The following ABCC4 variants were observed in gnomAD, a reference collection of about 807,000 sequenced individuals.
ABCC4 encodes the protein ATP binding cassette subfamily C member 4 (PEL blood group).
A neutral mutation model predicts 168.5 loss-of-function variants in ABCC4; 102 were observed. The observed-to-expected ratio is 0.61, with a 90% CI of 0.52 to 0.71. ABCC4 has a LOEUF of 0.71. Among genes scored for constraint, ABCC4 ranks in the 30% least tolerant of loss-of-function variants. The pLI is 0.00. For synonymous variants in ABCC4, 617 were observed against 590.7 expected (o/e 1.04, Z -0.65); for missense variants, 1,402 against 1,605.8 (o/e 0.87, Z 2.17).
chr13:95,195,061 C>T (rs1350012940), intron 8 of ABCC4, 124 bp from the exon 9 acceptor site: 1 of 718,086 alleles, frequency 1.4e-6, no homozygotes, highest in African/African-American at 1.8e-5. Flanking sequence ...TTTTACCAAC[C>T]CTATTTAAAG....
intron 27 of ABCC4, among the ~76,000 whole-genome samples, chr13:95,045,109 C>A (rs1177543728): frequency 1.3e-5 from 2 of 152,212 alleles, no homozygotes; most frequent in Middle Eastern, 6.3e-3. Flanking sequence ...TGACAGCCAA[C>A]AAGAACCCCT....
At chr13:95,298,692 G>A (rs1239695663) in intron 1 of ABCC4, among the ~76,000 whole-genome samples, 7 of 152,230 alleles carry the variant, frequency 4.6e-5, no homozygotes, top group East Asian at 1.9e-4. Context: ...ATGCATTTCC[G>A]ACAGCACCTG....
At chr13:95,059,132 C>T (rs556610611) in intron 26 of ABCC4, among the ~76,000 whole-genome samples, 4 of 152,318 alleles carry the variant, frequency 2.6e-5, no homozygotes, top group South Asian at 2.1e-4. Flanking sequence ...TCGGGGACTG[C>T]GCCAGCCAAC....
intron 19 of ABCC4, among the ~76,000 whole-genome samples, chr13:95,133,108 CTTTT>C (rs761691210): frequency 9.9e-5 from 11 of 110,668 alleles, no homozygotes; most frequent in Admixed American, 6.2e-4. Context: ...GATTTTAAAA[CTTTT>C]TTTTTTTTTT....
intron 4 of ABCC4, among the ~76,000 whole-genome samples, chr13:95,232,700 G>A (rs1030500382): frequency 4.6e-5 from 7 of 151,548 alleles, no homozygotes; most frequent in African/African-American, 1.7e-4. Flanking sequence ...AATTTAAATG[G>A]CTTAAAAAAA....
At chr13:95,192,492 G>C (rs1438937448) in intron 9 of ABCC4, among the ~76,000 whole-genome samples, 1 of 151,970 alleles carries the variant, frequency 6.6e-6, no homozygotes, top group East Asian at 1.9e-4. Flanking sequence ...GCAGGGTTTG[G>C]TACAAAAGAA....
chr13:95,188,376 T>C, intron 10 of ABCC4, 77 bp downstream of exon 10: 1 of 1,313,870 alleles, frequency 7.6e-7, no homozygotes, highest in Non-Finnish European at 1.1e-6. Flanking sequence ...GTGTTACACG[T>C]AGCCTTGGGC....
At chr13:95,135,752 C>T (rs969925632) in intron 19 of ABCC4, among the ~76,000 whole-genome samples, 1 of 152,146 alleles carries the variant, frequency 6.6e-6, no homozygotes, top group African/African-American at 2.4e-5. Context: ...ACATTCTAAA[C>T]ACCCATATTA....
intron 3 of ABCC4, among the ~76,000 whole-genome samples, chr13:95,235,541 G>A (rs2138761700): frequency 6.6e-6 from 1 of 152,294 alleles, no homozygotes; most frequent in African/African-American, 2.4e-5. Flanking sequence ...CAGCCCACAG[G>A]CTCGTCTATG....
intron 25 of ABCC4, among the ~76,000 whole-genome samples, chr13:95,066,921 TAAG>T (rs2033568496): frequency 1.3e-5 from 2 of 152,290 alleles, no homozygotes; most frequent in South Asian, 2.1e-4. Context: ...TGCGTGAGTA[TAAG>T]AAGGTGGCTA....
intron 27 of ABCC4, among the ~76,000 whole-genome samples, chr13:95,052,139 C>T (rs1393181541): frequency 6.6e-6 from 1 of 152,096 alleles, no homozygotes; most frequent in Non-Finnish European, 1.5e-5. Flanking sequence ...CACCACCATA[C>T]CCAGCTAATC....
At chr13:95,071,887 A>G in intron 24 of ABCC4, 34 bp from the exon 25 acceptor site, 1 of 1,394,614 alleles carries the variant, frequency 7.2e-7, no homozygotes, top group Non-Finnish European at 9.5e-7. Context: ...GGGGTTAGGA[A>G]TGGAGGGTGT....
At chr13:95,128,702 C>T (rs975935801) in intron 19 of ABCC4, among the ~76,000 whole-genome samples, 5 of 152,176 alleles carry the variant, frequency 3.3e-5, no homozygotes, top group African/African-American at 1.2e-4. Context: ...ATTAACCACC[C>T]TAAAAACCCA....
rs2031035883 is a variant in ABCC4, at chr13:95,020,654, A to T, written c.*921T>A. The T allele has an allele frequency of 6.6e-6, 1 of 152,252 alleles. No homozygotes were observed. The highest frequency in any genetic ancestry group is 1.5e-5 in the Non-Finnish European group (1 of 68,048). 9.4% of individuals were successfully genotyped at this position (152,252 alleles called of 1,614,324 possible). A position where few individuals can be genotyped will look rare whatever the true frequency, so the allele number is the denominator to read the frequency against. On this transcript the variant is annotated 3_prime_UTR_variant, in exon 31 of 31. Transcript: ENST00000645237. ...CACGTTAGCAGAGCCTATTCATGCA[A>T]TTTAGAAAGGATTTCAATACAGCCC...
chr13:95,027,620 G>T (rs1029329013), intron 30 of ABCC4, among the ~76,000 whole-genome samples: 1 of 152,130 alleles, frequency 6.6e-6, no homozygotes, highest in East Asian at 1.9e-4. Context: ...GCAAATAGAA[G>T]AAAAACTAAG....
intron 1 of ABCC4, among the ~76,000 whole-genome samples, chr13:95,263,154 A>C (rs1177846685): frequency 1.3e-5 from 2 of 152,216 alleles, no homozygotes; most frequent in Non-Finnish European, 2.9e-5. Context: ...AGCTTCCTTC[A>C]GGCATGAACT....
chr13:95,216,632 ACC>A (rs1566537085), intron 4 of ABCC4, among the ~76,000 whole-genome samples: 3 of 140,948 alleles, frequency 2.1e-5, no homozygotes, highest in Admixed American at 7.1e-5. Flanking sequence ...AAAAAAAAAA[ACC>A]AGCACAAATG....
chr13:95,289,796 C>T (rs181214777), intron 1 of ABCC4, among the ~76,000 whole-genome samples: 1 of 152,106 alleles, frequency 6.6e-6, no homozygotes, highest in East Asian at 1.9e-4. Context: ...ACGTAGAGAA[C>T]CTTTTTAAAA....
intron 1 of ABCC4, among the ~76,000 whole-genome samples, chr13:95,293,987 A>T (rs941108314): frequency 1.3e-5 from 2 of 151,920 alleles, no homozygotes; most frequent in Admixed American, 1.3e-4. Context: ...CCATTACAAT[A>T]AAGTACCATT....
Sources: allele counts gnomAD v4.1 joint callset (sites outside exome capture counted in the v4.1 genomes callset), GRCh38; gene constraint gnomAD v4.1.1; transcripts MANE v1.5; gene names NCBI Gene and HGNC (gene_info 2026-07-23, HGNC 2026-07-21).